The following UGT2A2 variants were observed in gnomAD, a reference collection of about 807,000 sequenced individuals.
The protein encoded by UGT2A2 is UDP glucuronosyltransferase family 2 member A2.
UGT2A2 carries 60 observed loss-of-function variants against 50.7 expected under a neutral mutation model. That is an observed-to-expected ratio of 1.18 (90% CI 0.96 to 1.47). The LOEUF is 1.47. Among genes scored for constraint, UGT2A2 ranks in the 40% most tolerant of loss-of-function variants. The pLI, the probability that UGT2A2 is intolerant of heterozygous loss-of-function variation, is 0.00. For missense variants in UGT2A2, 762 were observed against 634.0 expected, an observed-to-expected ratio of 1.20 and a Z score of -2.17; for synonymous variants, 242 against 214.6, an observed-to-expected ratio of 1.13 and a Z score of -1.11.
At chr4:69,599,176 T>C (rs1282330715) in intron 2 of UGT2A2, 70 bp downstream of exon 2, 8 of 1,500,742 alleles carry the variant, frequency 5.3e-6, no homozygotes, top group Non-Finnish European at 6.2e-6. Context: ...TTATTGAGGC[T>C]ATAAACTTTA....
chr4:69,590,678 T>C (rs1422486720), intron 5 of UGT2A2, among the ~76,000 whole-genome samples: 1 of 151,956 alleles, frequency 6.6e-6, no homozygotes, highest in Non-Finnish European at 1.5e-5. Flanking sequence ...TCTGTCTGTC[T>C]AGTGAAAAAG....
intron 1 of UGT2A2, among the ~76,000 whole-genome samples, chr4:69,618,018 C>T (rs1483838607): frequency 6.6e-6 from 1 of 151,788 alleles, no homozygotes; most frequent in Non-Finnish European, 1.5e-5. Context: ...GAAAATTTTC[C>T]AGGCCTTAAG....
At chr4:69,591,270 C>T (rs1320046322) in intron 5 of UGT2A2, among the ~76,000 whole-genome samples, 2 of 152,124 alleles carry the variant, frequency 1.3e-5, no homozygotes, top group Non-Finnish European at 2.9e-5. Context: ...TTGGTTTTTA[C>T]ATTTTAGGAA....
intron 2 of UGT2A2, among the ~76,000 whole-genome samples, chr4:69,597,530 T>C (rs934681715): frequency 2.0e-5 from 3 of 152,132 alleles, no homozygotes; most frequent in Admixed American, 1.3e-4. Flanking sequence ...TTTGTTGGGA[T>C]CACACTGGAA....
intron 1 of UGT2A2, among the ~76,000 whole-genome samples, chr4:69,626,337 G>A (rs10023877): frequency 0.044 from 6,615 of 150,958 alleles, 192 homozygotes; most frequent in African/African-American, 0.071. Flanking sequence ...GATGTTTGGA[G>A]ACCTTTAACC....
intron 1 of UGT2A2, among the ~76,000 whole-genome samples, chr4:69,630,225 C>G (rs1419455581): frequency 6.6e-6 from 1 of 152,066 alleles, no homozygotes; most frequent in Non-Finnish European, 1.5e-5. Context: ...ATAGCTCCAT[C>G]TGCAGTTGGC....
chr4:69,592,027 C>A (rs759186161), intron 5 of UGT2A2, among the ~76,000 whole-genome samples: 6 of 152,090 alleles, frequency 3.9e-5, no homozygotes, highest in Non-Finnish European at 5.9e-5. Context: ...AGTGGACAAC[C>A]AGGGCTGAGT....
At chr4:69,630,005 A>G (rs951730690) in intron 1 of UGT2A2, among the ~76,000 whole-genome samples, 1 of 152,144 alleles carries the variant, frequency 6.6e-6, no homozygotes, top group Non-Finnish European at 1.5e-5. Context: ...TTAAAATTCC[A>G]AAATACCACA....
rs72852564 is a variant in UGT2A2 at position 69,595,328 on chromosome 4, A to G, written c.1024-79T>C. The G allele has an allele frequency of 2.5e-3, 3,821 of 1,524,830 alleles. 75 individuals carry two copies. The African/African-American group carries it at 0.047, about 19-fold the overall frequency. 94.5% of individuals were successfully genotyped at this position (1,524,830 alleles called of 1,614,324 possible). On this transcript the variant is annotated intron_variant, in intron 3 of 5. Transcript: ENST00000604629. ...AAGTTGGGAGAATTATTTAGAAATC[A>G]TTTAGCCAGCTACTTGGAAGACGGG...
intron 1 of UGT2A2, among the ~76,000 whole-genome samples, chr4:69,613,484 G>A (rs1233436917): frequency 1.3e-5 from 2 of 151,284 alleles, no homozygotes; most frequent in Admixed American, 6.6e-5. Context: ...TTCCAACTAT[G>A]TTTGGAATAC....
At chr4:69,591,426 G>A (rs1718591678) in intron 5 of UGT2A2, among the ~76,000 whole-genome samples, 3 of 152,144 alleles carry the variant, frequency 2.0e-5, no homozygotes, top group South Asian at 2.1e-4. Context: ...CTAAAGACCT[G>A]GGATCAAAGG....
chr4:69,607,816 A>C (rs1719749599), intron 1 of UGT2A2, among the ~76,000 whole-genome samples: 1 of 152,246 alleles, frequency 6.6e-6, no homozygotes, highest in South Asian at 2.1e-4. Flanking sequence ...GACACATGAA[A>C]AAATGCTCAT....
chr4:69,617,658 C>T (rs1400874094), intron 1 of UGT2A2, among the ~76,000 whole-genome samples: 1 of 151,620 alleles, frequency 6.6e-6, no homozygotes, highest in African/African-American at 2.4e-5. Context: ...ATTTCATTAG[C>T]AACATACAGG....
At chr4:69,624,017 A>G (rs2109941456) in intron 1 of UGT2A2, among the ~76,000 whole-genome samples, 1 of 151,768 alleles carries the variant, frequency 6.6e-6, no homozygotes, top group African/African-American at 2.4e-5. Flanking sequence ...CATGAAAAAT[A>G]TGAACTCTGT....
At chr4:69,637,593 T>A (rs1721783453) in intron 1 of UGT2A2, among the ~76,000 whole-genome samples, 1 of 152,170 alleles carries the variant, frequency 6.6e-6, no homozygotes, top group Non-Finnish European at 1.5e-5. Context: ...CATTCTTTCA[T>A]TTGATACTTT....
chr4:69,639,136 C>A lies in UGT2A2; in HGVS notation c.505G>T (p.Ala169Ser). 1 of 1,613,630 alleles carries A rather than the reference C, an allele frequency of 6.2e-7. No individual in the cohort carries two copies. The highest frequency in any genetic ancestry group is 1.3e-5 in the African/African-American group (1 of 74,986). Residue 169 changes from alanine (A) to serine (S), a missense_variant, in exon 1 of 6, where the codon GCT (alanine) becomes TCT (serine). Physicochemically the swap from Ala to Ser is moderately conservative, Grantham distance 99 (BLOSUM62 1). Coordinates refer to ENST00000604629, the MANE Select transcript of UGT2A2 (RefSeq NM_001105677.2). ...DPVTICGDLV[A>S]LKLGIPFMYT... ...ATAAATGGAATTCCTAATTTCAGAG[C>A]AACAAGATCACCACAGATTGTTACT...
chr4:69,594,370 G>A, intron 5 of UGT2A2, 107 bp downstream of exon 5: 1 of 1,397,248 alleles, frequency 7.2e-7, no homozygotes, highest in Admixed American at 2.4e-5. Context: ...GTCAGGTTAT[G>A]GTTGTTATTG....
At chr4:69,619,573 G>A (rs1296711007) in intron 1 of UGT2A2, among the ~76,000 whole-genome samples, 2 of 151,636 alleles carry the variant, frequency 1.3e-5, no homozygotes, top group African/African-American at 4.8e-5. Context: ...AACATAAAAG[G>A]AATATAATCT....
chr4:69,620,385 TA>T (rs933859573), intron 1 of UGT2A2, among the ~76,000 whole-genome samples: 1 of 131,624 alleles, frequency 7.6e-6, no homozygotes, highest in Non-Finnish European at 1.7e-5. Flanking sequence ...TCACAATTGC[TA>T]AAAAAGAATA....
Sources: gnomAD v4.1 joint callset for allele counts (sites outside exome capture counted in the v4.1 genomes callset) on GRCh38, gnomAD v4.1.1 for gene constraint, MANE v1.5 for transcripts, NCBI Gene and HGNC (gene_info 2026-07-23, HGNC 2026-07-21) for gene names.